The following CDH12 variants were observed in gnomAD, a reference collection of about 807,000 sequenced individuals.
The protein encoded by CDH12 is cadherin-12.
A neutral mutation model predicts 74.1 loss-of-function variants in CDH12; 41 were observed. That is an observed-to-expected ratio of 0.55 (90% CI 0.43 to 0.72). CDH12 has a LOEUF of 0.72. Among genes scored for constraint, CDH12 ranks in the 30% least tolerant of loss-of-function variants. CDH12 has a pLI of 0.00. For synonymous variants in CDH12, 399 were observed against 355.0 expected (o/e 1.12, Z -1.39); for missense variants, 945 against 977.2 (o/e 0.97, Z 0.44).
At chr5:22,713,021 G>GGGCAAACTT (rs1303831659) in intron 1 of CDH12, among the ~76,000 whole-genome samples, 1 of 151,860 alleles carries the variant, frequency 6.6e-6, no homozygotes, top group African/African-American at 2.4e-5. Context: ...CCAGGAAACT[G>GGGCAAACTT]GGCAAACTTG....
chr5:22,492,212 G>A (rs899544689), intron 2 of CDH12, among the ~76,000 whole-genome samples: 1 of 152,066 alleles, frequency 6.6e-6, no homozygotes, highest in African/African-American at 2.4e-5. Context: ...TATATAGGAT[G>A]TGCAAAAGAG....
At chr5:22,314,175 G>A in intron 3 of CDH12, among the ~76,000 whole-genome samples, 1 of 152,114 alleles carries the variant, frequency 6.6e-6, no homozygotes, top group Non-Finnish European at 1.5e-5. Flanking sequence ...TCGACATTCT[G>A]TACAAATCTG....
chr5:22,834,934 A>G (rs1470067186), intron 1 of CDH12, among the ~76,000 whole-genome samples: 1 of 152,096 alleles, frequency 6.6e-6, no homozygotes, highest in Non-Finnish European at 1.5e-5. Context: ...AGGGAGATCA[A>G]AAGAGGGGGA....
At chr5:21,801,501 A>G (rs560402412) in intron 10 of CDH12, among the ~76,000 whole-genome samples, 1 of 152,320 alleles carries the variant, frequency 6.6e-6, no homozygotes, top group African/African-American at 2.4e-5. Flanking sequence ...AATGAGGAAA[A>G]GGGAAATTGT....
intron 1 of CDH12, among the ~76,000 whole-genome samples, chr5:22,800,847 T>C (rs1748473075): frequency 6.6e-6 from 1 of 152,134 alleles, no homozygotes; most frequent in South Asian, 2.1e-4. Flanking sequence ...ACATTTAGGG[T>C]TCCTCCTTGT....
At chr5:22,402,657 G>T (rs1035581380) in intron 3 of CDH12, among the ~76,000 whole-genome samples, 2 of 152,160 alleles carry the variant, frequency 1.3e-5, no homozygotes, top group Non-Finnish European at 2.9e-5. Flanking sequence ...AAGATTCTTA[G>T]CATATCTACG....
intron 4 of CDH12, among the ~76,000 whole-genome samples, chr5:22,113,415 G>A (rs1324591750): frequency 6.6e-6 from 1 of 152,082 alleles, no homozygotes; most frequent in Non-Finnish European, 1.5e-5. Context: ...TGGTCTCCAT[G>A]ATCTTTCATC....
intron 1 of CDH12, among the ~76,000 whole-genome samples, chr5:22,518,877 C>A (rs1279475277): frequency 1.3e-5 from 2 of 152,024 alleles, no homozygotes. Context: ...TTGGTAGGGC[C>A]CGTTGGTATT....
chr5:22,257,794 C>G lies in CDH12; in HGVS notation c.-332-45151G>C, dbSNP rs1235904766. Among the ~76,000 whole-genome samples the G allele has an allele frequency of 2.0e-5, 3 of 152,194 alleles. No individual in the cohort carries two copies. In the East Asian group the frequency reaches 5.8e-4, roughly 30 times the overall value. Reference sequence around the variant, plus strand: ...TACAGGCGTGAGCCACGACACCTGACTGCAAATTTTTTTTGTGTGTGAAAA... The same window carrying G: ...TACAGGCGTGAGCCACGACACCTGAGTGCAAATTTTTTTTGTGTGTGAAAA... On this transcript the variant is annotated intron_variant, in intron 3 of 14. Coordinates refer to ENST00000382254, the MANE Select transcript of CDH12 (RefSeq NM_004061.5).
At chr5:22,583,104 T>C (rs1419759762) in intron 1 of CDH12, among the ~76,000 whole-genome samples, 2 of 152,140 alleles carry the variant, frequency 1.3e-5, no homozygotes, top group African/African-American at 4.8e-5. Flanking sequence ...CAGCATCCTC[T>C]CTAGGAGAAT....
intron 3 of CDH12, among the ~76,000 whole-genome samples, chr5:22,379,736 G>A (rs1347670951): frequency 6.6e-6 from 1 of 152,012 alleles, no homozygotes; most frequent in Non-Finnish European, 1.5e-5. Flanking sequence ...AAGCTTCACT[G>A]CAACTTTTTA....
intron 4 of CDH12, among the ~76,000 whole-genome samples, chr5:22,106,604 T>G (rs1744458021): frequency 6.6e-6 from 1 of 152,246 alleles, no homozygotes; most frequent in South Asian, 2.1e-4. Context: ...GTTTTTATCA[T>G]GTGCATTTCA....
Position 21,792,296 on chromosome 5 carries a change from A to G in CDH12, c.1257-8802T>C, listed in dbSNP as rs1746543174. Among the ~76,000 whole-genome samples, 5 of 151,812 alleles carry G rather than the reference A, an allele frequency of 3.3e-5. No individual in the cohort carries two copies. In the South Asian group the frequency reaches 1.0e-3, roughly 31 times the overall value. On this transcript the variant is annotated intron_variant, in intron 10 of 14. Transcript: ENST00000382254. ...ACCACCAGTTCCTACTTTCCTATCAATTTCTCTTTTTTCTTATCTTCCTCC... is the reference window on the plus strand; with the variant it reads ...ACCACCAGTTCCTACTTTCCTATCAGTTTCTCTTTTTTCTTATCTTCCTCC...
intron 7 of CDH12, among the ~76,000 whole-genome samples, chr5:21,843,815 G>C (rs907758795): frequency 2.6e-5 from 4 of 151,994 alleles, no homozygotes; most frequent in Non-Finnish European, 5.9e-5. Flanking sequence ...GAGTGTTCTG[G>C]TTCTACATAC....
chr5:22,830,181 C>T (rs879339097), intron 1 of CDH12, among the ~76,000 whole-genome samples: 8 of 151,922 alleles, frequency 5.3e-5, no homozygotes, highest in Admixed American at 4.6e-4. Context: ...CATGAATTTC[C>T]GTCATGTGAA....
chr5:22,758,196 A>G (rs1335116431), intron 1 of CDH12, among the ~76,000 whole-genome samples: 1 of 152,244 alleles, frequency 6.6e-6, no homozygotes, highest in African/African-American at 2.4e-5. Context: ...AAAGTGGAAC[A>G]TTCATTTTTA....
rs182593852 is a variant in CDH12 at position 22,331,592 on chromosome 5, C to T, written c.-333+73665G>A. Among the ~76,000 whole-genome samples the T allele has an allele frequency of 2.8e-3, 430 of 152,218 alleles. 2 individuals are homozygous for T. Among genetic ancestry groups the T allele is most frequent in the African/African-American group, 9.6e-3 (399 of 41,542 alleles). On this transcript the variant is annotated intron_variant, in intron 3 of 14. Coordinates refer to ENST00000382254, the MANE Select transcript of CDH12 (RefSeq NM_004061.5). ...CACAAATAAGCCCAGGATGTAAAGA[C>T]CAGATATTGATGAACATCTACAAGC...
chr5:22,461,254 C>G (rs1387957003), intron 2 of CDH12, among the ~76,000 whole-genome samples: 1 of 151,832 alleles, frequency 6.6e-6, no homozygotes, highest in Non-Finnish European at 1.5e-5. Flanking sequence ...TCTCGAACTC[C>G]TGACCTCAAG....
intron 4 of CDH12, among the ~76,000 whole-genome samples, chr5:22,124,956 CA>C (rs1414185623): frequency 6.6e-6 from 1 of 152,140 alleles, no homozygotes; most frequent in Admixed American, 6.6e-5. Flanking sequence ...AAAAACAAAG[CA>C]AACAAACAAA....
Sources: allele counts gnomAD v4.1 joint callset (sites outside exome capture counted in the v4.1 genomes callset), GRCh38; gene constraint gnomAD v4.1.1; transcripts MANE v1.5; gene names NCBI Gene and HGNC (gene_info 2026-07-23, HGNC 2026-07-21).